The following IQSEC2 variants were observed in gnomAD, a reference collection of about 807,000 sequenced individuals.
IQSEC2 encodes IQ motif and SEC7 domain-containing protein 2.
A neutral mutation model predicts 74.6 loss-of-function variants in IQSEC2; 6 were observed. The observed-to-expected ratio is 0.08, with a 90% CI of 0.04 to 0.16. The LOEUF (loss-of-function observed/expected upper bound fraction) is 0.16. IQSEC2 is among the 10% of genes least tolerant of loss of function. IQSEC2 has a pLI of 1.00. For missense variants in IQSEC2, 734 were observed against 1,306.2 expected (o/e 0.56, Z 6.75); for synonymous variants, 494 against 544.5 (o/e 0.91, Z 1.29).
rs138797283 is a variant in IQSEC2, at chrX:53,235,437, G to A, written c.3502-253C>T. Among the ~76,000 whole-genome samples the A allele has an allele frequency of 2.2e-3, 247 of 111,581 alleles. 2 individuals carry two copies. The highest frequency in any genetic ancestry group is 3.9e-3 in the Non-Finnish European group (205 of 53,019). On this transcript the variant is annotated intron_variant, in intron 14 of 14. Transcript: ENST00000642864. ...AGTACCTCCTCCTCATCCCCATTTT[G>A]CAGGCAGGGAAAAGGTTAGGCCCAG...
intron 8 of IQSEC2, among the ~76,000 whole-genome samples, chrX:53,245,637 C>G (rs1311614762): frequency 9.1e-6 from 1 of 110,152 alleles, no homozygotes; most frequent in Non-Finnish European, 1.9e-5. Context: ...TTCTTTGACT[C>G]TATTTCCCTC....
chrX:53,254,148 TG>T (rs2074430087), intron 4 of IQSEC2, among the ~76,000 whole-genome samples: 1 of 110,292 alleles, frequency 9.1e-6, no homozygotes, highest in African/African-American at 3.3e-5. Context: ...CTGACCAACA[TG>T]GTGAAACCCT....
intron 12 of IQSEC2, 76 bp downstream of exon 12, chrX:53,238,069 T>C: frequency 3.7e-6 from 4 of 1,076,945 alleles, no homozygotes; most frequent in Non-Finnish European, 5.1e-6. Flanking sequence ...TCTGAGATTC[T>C]CTGAGGATAG....
intron 2 of IQSEC2, among the ~76,000 whole-genome samples, chrX:53,284,528 C>T (rs1204654993): frequency 2.7e-5 from 3 of 111,495 alleles, no homozygotes; most frequent in Non-Finnish European, 5.7e-5. Flanking sequence ...CTGGCTCCCC[C>T]TTGTTCTTCA....
In IQSEC2 at chrX:53,236,316, G is replaced by A; in HGVS notation, c.3451+6C>T. ...CCCAGCCAGGGCAGGGGCCCAGAGG[G>A]CTTACCTGCATCAGAGAGGTCTCGC... On this transcript the variant is annotated splice_donor_region_variant and intron_variant, in intron 13 of 14. Transcript: ENST00000642864. The A allele has an allele frequency of 1.7e-6, 2 of 1,206,389 alleles. No individual in the cohort carries two copies. The highest frequency in any genetic ancestry group is 1.8e-5 in the South Asian group (1 of 55,819).
intron 2 of IQSEC2, among the ~76,000 whole-genome samples, chrX:53,257,372 G>T (rs914529357): frequency 8.9e-6 from 1 of 112,572 alleles, no homozygotes; most frequent in Admixed American, 9.3e-5. Flanking sequence ...CCCGGTCCCG[G>T]GCTGCAGCGC....
chrX:53,277,812 A>C (rs2074860261), intron 2 of IQSEC2, among the ~76,000 whole-genome samples: 1 of 108,279 alleles, frequency 9.2e-6, no homozygotes, highest in South Asian at 4.0e-4. Flanking sequence ...CTGGGATTAC[A>C]GGCACACACC....
intron 1 of IQSEC2, among the ~76,000 whole-genome samples, chrX:53,315,652 T>C (rs782326553): frequency 7.1e-5 from 8 of 112,040 alleles, no homozygotes; most frequent in Non-Finnish European, 1.3e-4. Flanking sequence ...ATTGAATGAA[T>C]TAATACATGG....
chrX:53,265,997 T>C (rs2074650394), intron 2 of IQSEC2, among the ~76,000 whole-genome samples: 1 of 112,436 alleles, frequency 8.9e-6, no homozygotes, highest in East Asian at 2.8e-4. Context: ...TCATTGTCTA[T>C]TAAATTCACA....
chrX:53,241,457 C>T (rs1008174490), intron 10 of IQSEC2, among the ~76,000 whole-genome samples: 18 of 111,334 alleles, frequency 1.6e-4, no homozygotes, highest in African/African-American at 5.2e-4. Context: ...CCTGGGGGGT[C>T]GCAGGTTCAC....
chrX:53,320,732 C>G lies in IQSEC2; in HGVS notation c.392G>C (p.Arg131Pro), dbSNP rs1556880174. The G allele has an allele frequency of 6.0e-6, 7 of 1,167,564 alleles. No homozygotes were observed. Among genetic ancestry groups the G allele is most frequent in the East Asian group, 3.3e-5 (1 of 30,754 alleles). The change falls in exon 1 of 15, where the codon CGG (arginine) becomes CCG (proline). Residue 131 changes from arginine (R) to proline (P), a missense_variant. By Grantham distance (103) the Arg-to-Pro change is moderately radical. Transcript: ENST00000642864. ...GTAGGAGGCGTCCCGCTCCTTGTCC[C>G]GATACACAGCCTCCCGATTCTGGTA... ...GAYQNREAVY[R>P]DKERDASYPL... is the part of the protein sequence containing the mutation.
At chrX:53,275,465 G>A in intron 2 of IQSEC2, among the ~76,000 whole-genome samples, 1 of 111,269 alleles carries the variant, frequency 9.0e-6, no homozygotes, top group Non-Finnish European at 1.9e-5. Context: ...CACCTGGCCT[G>A]TATTTGTTTT....
intron 2 of IQSEC2, among the ~76,000 whole-genome samples, chrX:53,290,086 G>A (rs1257823137): frequency 1.8e-5 from 2 of 111,543 alleles, no homozygotes; most frequent in African/African-American, 6.5e-5. Flanking sequence ...ACTCTGGGTT[G>A]GCGCCAGGCA....
intron 2 of IQSEC2, chrX:53,279,813 C>T (rs890559708): frequency 6.5e-5 from 23 of 355,718 alleles, no homozygotes; most frequent in East Asian, 9.2e-5. Context: ...GAAGAGGAGG[C>T]GTGGGAGGCA....
intron 1 of IQSEC2, among the ~76,000 whole-genome samples, chrX:53,292,683 C>T (rs2075112359): frequency 8.9e-6 from 1 of 111,830 alleles, no homozygotes; most frequent in Non-Finnish European, 1.9e-5. Flanking sequence ...CTGAGGGAAC[C>T]GGGCAATGAG....
chrX:53,276,017 A>G (rs1423509028), intron 2 of IQSEC2, among the ~76,000 whole-genome samples: 1 of 111,324 alleles, frequency 9.0e-6, no homozygotes, highest in Admixed American at 9.6e-5. Context: ...ATTCTTTTTC[A>G]AAATTTTCTT....
chrX:53,236,620 G>T, intron 12 of IQSEC2, 125 bp from the exon 13 acceptor site: 1 of 835,061 alleles, frequency 1.2e-6, no homozygotes, highest in Non-Finnish European at 1.7e-6. Flanking sequence ...CTGTCCCCAG[G>T]CTTCGTGTTT....
intron 9 of IQSEC2, among the ~76,000 whole-genome samples, chrX:53,242,333 C>T (rs1260036578): frequency 9.9e-6 from 1 of 101,301 alleles, no homozygotes; most frequent in Non-Finnish European, 2.0e-5. Flanking sequence ...ACTCAGGAGG[C>T]TGAGGCAGGA....
intron 2 of IQSEC2, among the ~76,000 whole-genome samples, chrX:53,290,177 T>C (rs1193470597): frequency 1.3e-4 from 15 of 111,228 alleles, no homozygotes; most frequent in Non-Finnish European, 2.6e-4. Flanking sequence ...GCAAAACCCA[T>C]AACCACTGTG....
Sources: gnomAD v4.1 joint callset for allele counts (sites outside exome capture counted in the v4.1 genomes callset) on GRCh38, gnomAD v4.1.1 for gene constraint, MANE v1.5 for transcripts, NCBI Gene and HGNC (gene_info 2026-07-23, HGNC 2026-07-21) for gene names.